Variants in TSPAN5 observed in about 807,000 individuals in gnomAD.
TSPAN5 encodes tetraspanin 5.
Under a neutral mutation model 37.1 loss-of-function variants are expected in TSPAN5, and 10 were observed. The ratio of observed to expected loss-of-function variants is 0.27; its 90% CI spans 0.17 to 0.46. The LOEUF is 0.46. TSPAN5 is among the 20% of genes least tolerant of loss of function. TSPAN5 has a pLI of 1.00. For synonymous variants in TSPAN5, 110 were observed against 118.9 expected (o/e 0.93, Z 0.48); for missense variants, 195 against 326.6 (o/e 0.60, Z 3.11).
At chr4:98,529,594 T>C (rs1754037228) in intron 1 of TSPAN5, among the ~76,000 whole-genome samples, 1 of 152,204 alleles carries the variant, frequency 6.6e-6, no homozygotes, top group African/African-American at 2.4e-5. Flanking sequence ...TTAAGTAGCC[T>C]GGACTAGAGT....
intron 1 of TSPAN5, among the ~76,000 whole-genome samples, chr4:98,623,186 T>G (rs766979348): frequency 6.6e-5 from 10 of 152,188 alleles, no homozygotes; most frequent in Non-Finnish European, 1.5e-4. Context: ...GGTGAATAAA[T>G]GCTTTTCAGA....
chr4:98,540,075 C>T (rs1044759618), intron 1 of TSPAN5, among the ~76,000 whole-genome samples: 8 of 152,160 alleles, frequency 5.3e-5, no homozygotes, highest in Admixed American at 6.5e-5. Context: ...GAGAGAACTA[C>T]CCAGCTAAGC....
intron 7 of TSPAN5, among the ~76,000 whole-genome samples, chr4:98,474,668 T>C (rs907472639): frequency 9.9e-5 from 15 of 151,582 alleles, no homozygotes; most frequent in African/African-American, 3.4e-4. Flanking sequence ...TTTTTAATCA[T>C]ATATATTTTT....
intron 1 of TSPAN5, among the ~76,000 whole-genome samples, chr4:98,633,974 G>T (rs1756801516): frequency 6.6e-6 from 1 of 151,990 alleles, no homozygotes; most frequent in Admixed American, 6.6e-5. Context: ...AGCTACTCAG[G>T]AAGATGAGGC....
chr4:98,528,340 T>C (rs1754008108), intron 1 of TSPAN5, among the ~76,000 whole-genome samples: 1 of 151,932 alleles, frequency 6.6e-6, no homozygotes, highest in Non-Finnish European at 1.5e-5. Flanking sequence ...CAAGCAAATT[T>C]ATATATCAAC....
intron 2 of TSPAN5, among the ~76,000 whole-genome samples, chr4:98,503,004 A>T (rs1020228723): frequency 2.3e-4 from 35 of 152,026 alleles, no homozygotes; most frequent in African/African-American, 8.2e-4. Context: ...GAAGGAATAG[A>T]GGGAGGAGGT....
At chr4:98,491,580 C>T (rs1247154035) in intron 2 of TSPAN5, among the ~76,000 whole-genome samples, 2 of 151,624 alleles carry the variant, frequency 1.3e-5, no homozygotes, top group Non-Finnish European at 2.9e-5. Context: ...CCCAGCTACT[C>T]GAGAGGCTGA....
Position 98,478,821 on chromosome 4 carries a change from C to T in TSPAN5, c.451-11G>A. 1 of 1,613,064 alleles carries T rather than the reference C, an allele frequency of 6.2e-7. No individual in the cohort carries two copies. Among genetic ancestry groups the T allele is most frequent in the Non-Finnish European group, 8.5e-7 (1 of 1,179,906 alleles). On this transcript the variant is annotated splice_polypyrimidine_tract_variant and intron_variant, in intron 4 of 7. Transcript: ENST00000305798. ...CCCACAGCACTGCCACTAGAGCAAA[C>T]AGGAAAGAATTAGAACATCCCAACT...
intron 1 of TSPAN5, 129 bp from the exon 2 acceptor site, chr4:98,507,857 T>C (rs956530226): frequency 1.4e-5 from 9 of 635,608 alleles, no homozygotes; most frequent in East Asian, 5.4e-5. Flanking sequence ...TGAGCACTTA[T>C]CTTTACCAGG....
At chr4:98,658,064 T>C (rs1286130893) in intron 1 of TSPAN5, 82 bp downstream of exon 1, 3 of 1,293,324 alleles carry the variant, frequency 2.3e-6, no homozygotes, top group Non-Finnish European at 3.4e-6. Context: ...CTGCGAAAAG[T>C]AAAGGCAACG....
chr4:98,577,835 T>C (rs1216234745), intron 1 of TSPAN5, among the ~76,000 whole-genome samples: 1 of 152,176 alleles, frequency 6.6e-6, no homozygotes, highest in Non-Finnish European at 1.5e-5. Context: ...CTTAGGGTGT[T>C]TGTGATAATG....
chr4:98,652,519 A>C (rs1212718949), intron 1 of TSPAN5, among the ~76,000 whole-genome samples: 1 of 152,186 alleles, frequency 6.6e-6, no homozygotes. Context: ...GACTTACTTG[A>C]TGTTTTATTT....
chr4:98,658,390 G>C lies in TSPAN5; in HGVS notation c.-164C>G, dbSNP rs1757339209. 2.2e-6 allele frequency: 1 copy of C among 461,954 alleles called. No individual in the cohort carries two copies. The highest frequency in any genetic ancestry group is 4.0e-5 in the East Asian group (1 of 24,778). 28.6% of individuals were successfully genotyped at this position (461,954 alleles called of 1,614,324 possible). On this transcript the variant is annotated 5_prime_UTR_variant, in exon 1 of 8. Transcript: ENST00000305798. Reference sequence around the variant, plus strand: ...GCGCGGGGACCGACCGGCGGAGAGCGGCTCCCGCACCTCCAGCCCCTCGCG... The same window carrying C: ...GCGCGGGGACCGACCGGCGGAGAGCCGCTCCCGCACCTCCAGCCCCTCGCG...
At chr4:98,542,485 G>A (rs1754379976) in intron 1 of TSPAN5, among the ~76,000 whole-genome samples, 1 of 151,890 alleles carries the variant, frequency 6.6e-6, no homozygotes, top group South Asian at 2.1e-4. Flanking sequence ...GGAGGCAGAG[G>A]TGGCAGGATC....
intron 1 of TSPAN5, among the ~76,000 whole-genome samples, chr4:98,620,055 G>A (rs111490355): frequency 3.0e-4 from 46 of 152,252 alleles, no homozygotes; most frequent in Admixed American, 1.5e-3. Context: ...TTTTAAACAT[G>A]GCTGCAAATT....
chr4:98,626,110 C>T (rs573080067), intron 1 of TSPAN5, among the ~76,000 whole-genome samples: 2 of 152,304 alleles, frequency 1.3e-5, no homozygotes, highest in African/African-American at 4.8e-5. Context: ...GTTGACAACA[C>T]AGGTGAGATC....
chr4:98,481,606 G>A (rs1416332056), intron 4 of TSPAN5, among the ~76,000 whole-genome samples: 1 of 152,180 alleles, frequency 6.6e-6, no homozygotes, highest in East Asian at 1.9e-4. Flanking sequence ...AGATTATTAT[G>A]AGCTGTGAAA....
rs189061864 is a variant in TSPAN5, at chr4:98,501,281, C to T, written c.132+6397G>A. Among the ~76,000 whole-genome samples, 209 of 152,264 alleles carry T rather than the reference C, an allele frequency of 1.4e-3. 2 individuals are homozygous for T. Among genetic ancestry groups the T allele is most frequent in the African/African-American group, 4.9e-3 (202 of 41,548 alleles). On this transcript the variant is annotated intron_variant, in intron 2 of 7. Coordinates refer to ENST00000305798, the MANE Select transcript of TSPAN5 (RefSeq NM_005723.4). ...TTACCTCCTTTTATTCTGTAAGAATCGCTAATATAGTATGCTTACTGGAGA... is the reference window on the plus strand; with the variant it reads ...TTACCTCCTTTTATTCTGTAAGAATTGCTAATATAGTATGCTTACTGGAGA...
At chr4:98,644,115 GATTT>G (rs1468153249) in intron 1 of TSPAN5, among the ~76,000 whole-genome samples, 2 of 151,542 alleles carry the variant, frequency 1.3e-5, no homozygotes, top group Non-Finnish European at 2.9e-5. Context: ...GAGATTTATT[GATTT>G]ATTTTTTTTT....
Sources: gnomAD v4.1 joint callset for allele counts (sites outside exome capture counted in the v4.1 genomes callset) on GRCh38, gnomAD v4.1.1 for gene constraint, MANE v1.5 for transcripts, NCBI Gene and HGNC (gene_info 2026-07-23, HGNC 2026-07-21) for gene names.